RALYL: variants seen among roughly 807,000 people sequenced by gnomAD.
RALYL encodes RALY RNA binding protein like.
RALYL carries 29 observed loss-of-function variants against 35.1 expected under a neutral mutation model. The observed-to-expected ratio is 0.83, with a 90% CI of 0.61 to 1.13. RALYL has a LOEUF of 1.13. Among genes scored for constraint, RALYL ranks in the 50% most tolerant of loss-of-function variants. RALYL has a pLI of 0.00. For missense variants in RALYL, 359 were observed against 360.4 expected (o/e 1.00, Z 0.03); for synonymous variants, 120 against 127.6 (o/e 0.94, Z 0.40).
At chr8:84,642,139 A>T (rs1221423746) in intron 2 of RALYL, among the ~76,000 whole-genome samples, 3 of 152,050 alleles carry the variant, frequency 2.0e-5, no homozygotes, top group African/African-American at 7.2e-5. Flanking sequence ...GCATGTATAC[A>T]TGTGTGCACA....
intron 1 of RALYL, among the ~76,000 whole-genome samples, chr8:84,300,915 G>T (rs1840650664): frequency 6.6e-6 from 1 of 151,992 alleles, no homozygotes; most frequent in Non-Finnish European, 1.5e-5. Flanking sequence ...ATGTGGATTT[G>T]ACCCTGTCAT....
chr8:84,216,218 G>C (rs1820775408), intron 1 of RALYL, among the ~76,000 whole-genome samples: 1 of 151,952 alleles, frequency 6.6e-6, no homozygotes, highest in African/African-American at 2.4e-5. Context: ...CTGCTATGAT[G>C]TATACATTTC....
intron 1 of RALYL, among the ~76,000 whole-genome samples, chr8:84,266,240 T>G (rs2131872757): frequency 6.6e-6 from 1 of 152,240 alleles, no homozygotes; most frequent in South Asian, 2.1e-4. Context: ...CCTGTCTCAT[T>G]CCTCTCACCT....
intron 5 of RALYL, among the ~76,000 whole-genome samples, chr8:84,851,361 C>T (rs889174415): frequency 6.6e-6 from 1 of 152,008 alleles, no homozygotes; most frequent in Non-Finnish European, 1.5e-5. Flanking sequence ...AATTACTTAC[C>T]GTTTATATGT....
intron 1 of RALYL, among the ~76,000 whole-genome samples, chr8:84,319,880 C>A (rs1328418452): frequency 6.6e-6 from 1 of 151,762 alleles, no homozygotes; most frequent in Non-Finnish European, 1.5e-5. Flanking sequence ...AATATAAATT[C>A]TTTAAGGTAA....
intron 1 of RALYL, among the ~76,000 whole-genome samples, chr8:84,242,656 C>T (rs961242413): frequency 5.3e-5 from 8 of 151,930 alleles, no homozygotes; most frequent in Middle Eastern, 3.2e-3. Flanking sequence ...TCTGTTCATG[C>T]GCTTTGCCCA....
At chr8:84,591,413 G>C (rs1813237661) in intron 2 of RALYL, among the ~76,000 whole-genome samples, 2 of 152,172 alleles carry the variant, frequency 1.3e-5, no homozygotes, top group South Asian at 2.1e-4. Flanking sequence ...CTTGCCACCA[G>C]ATCTCAGGGG....
chr8:84,488,299 A>G (rs1202146718), intron 1 of RALYL, among the ~76,000 whole-genome samples: 1 of 152,056 alleles, frequency 6.6e-6, no homozygotes, highest in Non-Finnish European at 1.5e-5. Context: ...TCCCCTATCT[A>G]TTTTACCAAG....
chr8:84,685,598 A>C (rs1029524222), intron 2 of RALYL, among the ~76,000 whole-genome samples: 1 of 152,228 alleles, frequency 6.6e-6, no homozygotes, highest in African/African-American at 2.4e-5. Context: ...ATGGTAGTAT[A>C]GTCAGTTCTG....
At chr8:84,319,962 T>A (rs1045212370) in intron 1 of RALYL, among the ~76,000 whole-genome samples, 1 of 152,110 alleles carries the variant, frequency 6.6e-6, no homozygotes, top group Non-Finnish European at 1.5e-5. Context: ...TATAAAACTC[T>A]TGCATTACAC....
chr8:84,305,685 C>T (rs1212067704), intron 1 of RALYL, among the ~76,000 whole-genome samples: 2 of 152,150 alleles, frequency 1.3e-5, no homozygotes, highest in East Asian at 3.9e-4. Context: ...GTCTCATCCC[C>T]TATCTTCCCC....
At chr8:84,680,087 G>T (rs1476208969) in intron 2 of RALYL, among the ~76,000 whole-genome samples, 1 of 151,924 alleles carries the variant, frequency 6.6e-6, no homozygotes, top group Non-Finnish European at 1.5e-5. Flanking sequence ...ACCTATGAGT[G>T]AGAACATGCG....
At chr8:84,246,775 C>A (rs1253886059) in intron 1 of RALYL, among the ~76,000 whole-genome samples, 3 of 152,066 alleles carry the variant, frequency 2.0e-5, no homozygotes, top group Admixed American at 6.6e-5. Flanking sequence ...GTACCAAATA[C>A]CTGGATGTGG....
chr8:84,862,424 C>G lies in RALYL; in HGVS notation c.542C>G (p.Ser181Cys). 6.2e-7 allele frequency: 1 copy of G among 1,605,564 alleles called. No homozygotes were observed. Among genetic ancestry groups the G allele is most frequent in the Non-Finnish European group, 8.5e-7 (1 of 1,176,572 alleles). The stretch of plus-strand genomic sequence containing the variant: ...TTTTCCATGAAAGGTGGATCGAGAT[C>G]TACTGCCAGTGGGTCAACAGGTTCT... Reference protein sequence around the residue: ...GVFSMKGGSRSTASGSTGSKL... With the variant: ...GVFSMKGGSRCTASGSTGSKL... Residue 181 changes from serine (S) to cysteine (C), a missense_variant, in exon 6 of 9, where the codon TCT (serine) becomes TGT (cysteine). By Grantham distance (112) the Ser-to-Cys change is moderately radical. Coordinates refer to ENST00000521268, the MANE Select transcript of RALYL (RefSeq NM_173848.7).
At chr8:84,783,640 CA>C (rs1257750565) in intron 3 of RALYL, among the ~76,000 whole-genome samples, 2 of 152,158 alleles carry the variant, frequency 1.3e-5, no homozygotes, top group Non-Finnish European at 2.9e-5. Flanking sequence ...CTCCTGCCCC[CA>C]CTCTGCCTCC....
intron 2 of RALYL, among the ~76,000 whole-genome samples, chr8:84,562,804 C>G (rs1249962584): frequency 6.6e-6 from 1 of 151,810 alleles, no homozygotes; most frequent in African/African-American, 2.4e-5. Context: ...AATGACTGTG[C>G]TAATTAAAGT....
intron 2 of RALYL, among the ~76,000 whole-genome samples, chr8:84,561,936 G>A (rs1352397718): frequency 3.9e-5 from 6 of 151,930 alleles, no homozygotes; most frequent in East Asian, 1.9e-4. Context: ...TACTAAAGCC[G>A]ATATATCTAA....
intron 1 of RALYL, among the ~76,000 whole-genome samples, chr8:84,314,452 T>C (rs576721197): frequency 5.1e-4 from 78 of 152,096 alleles, no homozygotes; most frequent in African/African-American, 1.8e-3. Flanking sequence ...CAAGTATATA[T>C]GTATATTTAT....
intron 7 of RALYL, among the ~76,000 whole-genome samples, chr8:84,883,430 T>C (rs1378098015): frequency 3.9e-5 from 6 of 152,058 alleles, no homozygotes; most frequent in Non-Finnish European, 7.4e-5. Context: ...CACAGTTCCA[T>C]GTGGCTGGGG....
Sources: allele counts gnomAD v4.1 joint callset (sites outside exome capture counted in the v4.1 genomes callset), GRCh38; gene constraint gnomAD v4.1.1; transcripts MANE v1.5; gene names NCBI Gene and HGNC (gene_info 2026-07-23, HGNC 2026-07-21).